ENTREP2: variants seen among roughly 807,000 people sequenced by gnomAD.
ENTREP2 encodes endosomal transmembrane epsin interactor 2.
the ENTREP2 span, among the ~76,000 whole-genome samples, chr15:29,327,000 G>A: frequency 6.6e-6 from 1 of 151,924 alleles, no homozygotes; most frequent in Non-Finnish European, 1.5e-5. Flanking sequence ...GGAAAAATTG[G>A]ACATCTATAT....
chr15:29,584,764 A>G, the ENTREP2 span, among the ~76,000 whole-genome samples: 1 of 152,198 alleles, frequency 6.6e-6, no homozygotes, highest in South Asian at 2.1e-4. Context: ...ATTATTGTTA[A>G]TAACACTGTA....
the ENTREP2 span, among the ~76,000 whole-genome samples, chr15:29,239,894 G>A: frequency 1.3e-5 from 2 of 152,146 alleles, no homozygotes; most frequent in Non-Finnish European, 2.9e-5. Flanking sequence ...ATCTGTATGG[G>A]ACAGTTTCTC....
chr15:29,134,574 C>G, the ENTREP2 span, among the ~76,000 whole-genome samples: 2 of 152,212 alleles, frequency 1.3e-5, no homozygotes, highest in Non-Finnish European at 2.9e-5. Context: ...CACCTTACAG[C>G]GTCTGAATGC....
At chr15:29,429,190 T>TATCC in the ENTREP2 span, among the ~76,000 whole-genome samples, 14,379 of 149,160 alleles carry the variant, frequency 0.096, 847 homozygotes, top group East Asian at 0.29. Context: ...GATGTCTATC[T>TATCC]ATCCATCCAT....
the ENTREP2 span, among the ~76,000 whole-genome samples, chr15:29,336,855 T>C: frequency 6.6e-6 from 1 of 152,108 alleles, no homozygotes; most frequent in Non-Finnish European, 1.5e-5. Flanking sequence ...AGGATCTGGA[T>C]GGTGCCAACC....
chr15:29,571,106 T>TGGGGCG, the ENTREP2 span, among the ~76,000 whole-genome samples: 1 of 149,130 alleles, frequency 6.7e-6, no homozygotes. Context: ...GGGCCCCAGC[T>TGGGGCG]GGGGCGGGAG....
At chr15:29,373,188 T>C in the ENTREP2 span, among the ~76,000 whole-genome samples, 6 of 151,212 alleles carry the variant, frequency 4.0e-5, no homozygotes, top group Admixed American at 6.6e-5. Flanking sequence ...AAAATAAAAA[T>C]AAAAATAAGG....
the ENTREP2 span, among the ~76,000 whole-genome samples, chr15:29,206,329 G>T: frequency 6.6e-6 from 1 of 152,030 alleles, no homozygotes; most frequent in Non-Finnish European, 1.5e-5. Context: ...ACCTCCCAAG[G>T]ACCCCACCTC....
chr15:29,338,437 A>G, the ENTREP2 span, among the ~76,000 whole-genome samples: 5 of 151,810 alleles, frequency 3.3e-5, no homozygotes, highest in East Asian at 1.9e-4. Flanking sequence ...AAAAAAAAAA[A>G]AAAAGAAAAG....
the ENTREP2 span, among the ~76,000 whole-genome samples, chr15:29,664,687 A>G: frequency 6.6e-6 from 1 of 152,270 alleles, no homozygotes; most frequent in South Asian, 2.1e-4. Flanking sequence ...TGTGATAGTT[A>G]TAACAGCCTG....
the ENTREP2 span, among the ~76,000 whole-genome samples, chr15:29,333,957 C>T: frequency 1.3e-5 from 2 of 151,794 alleles, no homozygotes; most frequent in Admixed American, 6.6e-5. Flanking sequence ...AGCCAAGGAA[C>T]GTCACGTCAC....
the ENTREP2 span, among the ~76,000 whole-genome samples, chr15:29,495,952 A>C: frequency 1.3e-5 from 2 of 152,100 alleles, no homozygotes; most frequent in Non-Finnish European, 2.9e-5. Context: ...GAAAAATGCC[A>C]ATGAAATTTT....
At chr15:29,357,338 T>C in the ENTREP2 span, among the ~76,000 whole-genome samples, 1 of 151,876 alleles carries the variant, frequency 6.6e-6, no homozygotes, top group Non-Finnish European at 1.5e-5. Context: ...AGTGAAGGAA[T>C]TAATAAATTA....
At chr15:29,654,500 G>A in the ENTREP2 span, among the ~76,000 whole-genome samples, 3 of 152,242 alleles carry the variant, frequency 2.0e-5, no homozygotes, top group Non-Finnish European at 2.9e-5. Flanking sequence ...CTTGCAGAAA[G>A]ACATGCATTA....
chr15:29,590,129 A>C, the ENTREP2 span, among the ~76,000 whole-genome samples: 1 of 152,002 alleles, frequency 6.6e-6, no homozygotes, highest in African/African-American at 2.4e-5. Context: ...GTTTGAAGAG[A>C]TATGGTGTTG....
chr15:29,449,925 T>G, the ENTREP2 span, among the ~76,000 whole-genome samples: 1 of 152,240 alleles, frequency 6.6e-6, no homozygotes, highest in Non-Finnish European at 1.5e-5. Context: ...GTTTTTTGAC[T>G]TTTTAATAGA....
chr15:29,386,926 C>T, the ENTREP2 span, among the ~76,000 whole-genome samples: 77 of 152,330 alleles, frequency 5.1e-4, no homozygotes, highest in Admixed American at 2.3e-3. Flanking sequence ...TCTAAATATA[C>T]AATCATGTCA....
chr15:29,597,568 C>A, the ENTREP2 span, among the ~76,000 whole-genome samples: 59 of 137,728 alleles, frequency 4.3e-4, no homozygotes, highest in African/African-American at 5.5e-4. Flanking sequence ...AACTCTGTCT[C>A]AAAAAAAAAA....
At chr15:29,327,589 C>T in the ENTREP2 span, among the ~76,000 whole-genome samples, 1 of 128,862 alleles carries the variant, frequency 7.8e-6, no homozygotes, top group South Asian at 2.4e-4. Context: ...AGCAAGACCC[C>T]ATCTCAAAAA....
Sources: gnomAD v4.1 joint callset for allele counts (sites outside exome capture counted in the v4.1 genomes callset) on GRCh38, gnomAD v4.1.1 for gene constraint, MANE v1.5 for transcripts, NCBI Gene and HGNC (gene_info 2026-07-23, HGNC 2026-07-21) for gene names.